PPP4R3B: variants seen among roughly 807,000 people sequenced by gnomAD.
PPP4R3B encodes protein phosphatase 4 regulatory subunit 3B, also known as serine/threonine-protein phosphatase 4 regulatory subunit 3B.
Under a neutral mutation model 95.4 loss-of-function variants are expected in PPP4R3B, and 52 were observed. The ratio of observed to expected loss-of-function variants is 0.54; its 90% CI spans 0.44 to 0.69. The LOEUF is 0.69. PPP4R3B is among the 30% of genes least tolerant of loss of function. The probability of loss-of-function intolerance (pLI) is 0.00; values close to 1 mark genes in which losing one functional copy is unlikely to be tolerated. For synonymous variants in PPP4R3B, 407 were observed against 343.9 expected (o/e 1.18, Z -2.03); for missense variants, 1,003 against 1,005.9 (o/e 1.00, Z 0.04).
intron 3 of PPP4R3B, among the ~76,000 whole-genome samples, chr2:55,602,868 T>C (rs914237685): frequency 1.3e-5 from 2 of 152,144 alleles, no homozygotes; most frequent in Admixed American, 1.3e-4. Flanking sequence ...CAGTGAATTA[T>C]GGAAATTGAG....
intron 12 of PPP4R3B, among the ~76,000 whole-genome samples, chr2:55,572,827 T>C (rs1688179326): frequency 6.6e-6 from 1 of 152,158 alleles, no homozygotes; most frequent in Non-Finnish European, 1.5e-5. Flanking sequence ...CACTGGAGAA[T>C]GGCAGAAGAA....
chr2:55,575,119 T>C (rs188281049), intron 11 of PPP4R3B, among the ~76,000 whole-genome samples: 31 of 150,418 alleles, frequency 2.1e-4, no homozygotes, highest in South Asian at 1.3e-3. Flanking sequence ...TTTTTGTGTT[T>C]TCAGTAGAGA....
chr2:55,581,677 C>A lies in PPP4R3B; in HGVS notation c.1255G>T (p.Val419Leu). The A allele has an allele frequency of 6.2e-7, 1 of 1,612,596 alleles. No individual in the cohort carries two copies. Among genetic ancestry groups the A allele is most frequent in the Non-Finnish European group, 8.5e-7 (1 of 1,179,450 alleles). The change falls in exon 8 of 17, where the codon GTA (valine) becomes TTA (leucine). Residue 419 changes from valine (V) to leucine (L), a missense_variant. By Grantham distance (32) the Val-to-Leu change is conservative. Around this residue, in one of 3 missense-constraint regions of PPP4R3B, gnomAD observed 695 missense variants for 686.2 expected, o/e 1.01. Coordinates refer to ENST00000616407, the MANE Select transcript of PPP4R3B (RefSeq NM_001122964.3). The part of the protein sequence containing the change: ...SDDDILLINV[V>L]IEQMICDTDP... ...GTATCACAGATCATTTGTTCAATTA[C>A]CACATTAATAAGAAGAATATCCTGG...
chr2:55,587,495 A>T (rs1690306074), intron 5 of PPP4R3B, among the ~76,000 whole-genome samples: 1 of 152,254 alleles, frequency 6.6e-6, no homozygotes, highest in Admixed American at 6.5e-5. Context: ...GAGGCACGAG[A>T]AGCGCTTGAA....
intron 2 of PPP4R3B, among the ~76,000 whole-genome samples, chr2:55,606,750 G>A (rs1693459928): frequency 6.6e-6 from 1 of 150,874 alleles, no homozygotes; most frequent in African/African-American, 2.4e-5. Context: ...TTGAACCCGG[G>A]AGGTGGAGAT....
At chr2:55,589,344 A>AAGC (rs1420871303) in intron 4 of PPP4R3B, among the ~76,000 whole-genome samples, 4 of 41,942 alleles carry the variant, frequency 9.5e-5, no homozygotes, top group South Asian at 4.2e-4. Flanking sequence ...CAGATTAGAA[A>AAGC]AACAAGAATT....
intron 11 of PPP4R3B, among the ~76,000 whole-genome samples, chr2:55,576,819 C>A (rs1243549039): frequency 1.3e-5 from 2 of 152,160 alleles, no homozygotes; most frequent in Non-Finnish European, 2.9e-5. Flanking sequence ...TCTAAACAGC[C>A]TCCTTATTTG....
At chr2:55,553,132 T>G (rs976928274) in intron 16 of PPP4R3B, among the ~76,000 whole-genome samples, 1 of 152,162 alleles carries the variant, frequency 6.6e-6, no homozygotes, top group Non-Finnish European at 1.5e-5. Flanking sequence ...GAGAATGTAA[T>G]GAACTTTACA....
intron 11 of PPP4R3B, among the ~76,000 whole-genome samples, chr2:55,575,324 C>T (rs1283764857): frequency 1.3e-5 from 2 of 152,116 alleles, no homozygotes; most frequent in East Asian, 3.9e-4. Context: ...TTCCCTGAGG[C>T]TTTGGTTGAT....
chr2:55,587,234 T>A (rs1348751258), intron 5 of PPP4R3B, among the ~76,000 whole-genome samples: 1 of 152,198 alleles, frequency 6.6e-6, no homozygotes, highest in East Asian at 1.9e-4. Flanking sequence ...TTTAATGGGG[T>A]GCCAGTTTTT....
intron 4 of PPP4R3B, among the ~76,000 whole-genome samples, chr2:55,592,047 G>A (rs1170751190): frequency 6.6e-6 from 1 of 151,942 alleles, no homozygotes; most frequent in Admixed American, 6.6e-5. Flanking sequence ...AAAACACTGT[G>A]GGGAAAAAAA....
At position 55,588,971 on chromosome 2, in the gene PPP4R3B, T is replaced by C. The variant is rs1443182120; in HGVS notation, c.922-15A>G. ...TTCTCATCTTCCTGCATGAGAAAAATAATTACTATGAAATATTAACAAAAG... is the reference window on the plus strand; with the variant it reads ...TTCTCATCTTCCTGCATGAGAAAAACAATTACTATGAAATATTAACAAAAG... On this transcript the variant is annotated splice_polypyrimidine_tract_variant and intron_variant, in intron 4 of 16. Coordinates refer to ENST00000616407, the MANE Select transcript of PPP4R3B (RefSeq NM_001122964.3). The C allele has an allele frequency of 1.3e-6, 2 of 1,495,396 alleles. No individual in the cohort carries two copies. The highest frequency in any genetic ancestry group is 1.9e-6 in the Non-Finnish European group (2 of 1,078,960). 92.6% of individuals were successfully genotyped at this position (1,495,396 alleles called of 1,614,324 possible). A position where few individuals can be genotyped will look rare whatever the true frequency, so the allele number is the denominator to read the frequency against.
intron 11 of PPP4R3B, among the ~76,000 whole-genome samples, chr2:55,576,468 C>A (rs575816162): frequency 1.3e-5 from 2 of 150,982 alleles, no homozygotes; most frequent in African/African-American, 2.4e-5. Context: ...ACAGGCCGGG[C>A]GCGGTGGCTC....
intron 2 of PPP4R3B, among the ~76,000 whole-genome samples, chr2:55,606,223 A>T (rs1052941727): frequency 1.3e-5 from 2 of 152,162 alleles, no homozygotes; most frequent in South Asian, 2.1e-4. Flanking sequence ...ATATTAATAC[A>T]TTATAAAACA....
intron 12 of PPP4R3B, 152 bp from the exon 13 acceptor site, chr2:55,568,515 A>G: frequency 1.8e-6 from 1 of 565,556 alleles, no homozygotes; most frequent in Non-Finnish European, 2.7e-6. Flanking sequence ...CTAAAATGAA[A>G]AGTAAAACTG....
chr2:55,556,786 C>A (rs368990905), intron 16 of PPP4R3B, among the ~76,000 whole-genome samples: 41 of 152,224 alleles, frequency 2.7e-4, no homozygotes, highest in African/African-American at 9.4e-4. Context: ...AGAAAGTCGG[C>A]CGGGCATGGT....
At chr2:55,605,542 G>T (rs912842832) in intron 2 of PPP4R3B, among the ~76,000 whole-genome samples, 28 of 151,992 alleles carry the variant, frequency 1.8e-4, no homozygotes, top group African/African-American at 6.8e-4. Flanking sequence ...CTTCTTCCTG[G>T]CTATGCTTTT....
At chr2:55,554,070 A>G (rs908891038) in intron 16 of PPP4R3B, among the ~76,000 whole-genome samples, 5 of 152,094 alleles carry the variant, frequency 3.3e-5, no homozygotes, top group Non-Finnish European at 2.9e-5. Flanking sequence ...ACACCATTTT[A>G]TTTTTATATA....
chr2:55,559,610 T>A (rs1050443079), intron 15 of PPP4R3B, among the ~76,000 whole-genome samples: 2 of 152,142 alleles, frequency 1.3e-5, no homozygotes, highest in Non-Finnish European at 2.9e-5. Flanking sequence ...AGGGTGGCAC[T>A]TCCCCCCTTG....
Sources: gnomAD v4.1 joint callset for allele counts (sites outside exome capture counted in the v4.1 genomes callset) on GRCh38, gnomAD v4.1.1 for gene constraint, gnomAD v4.1.1 regional missense constraint, MANE v1.5 for transcripts, NCBI Gene and HGNC (gene_info 2026-07-23, HGNC 2026-07-21) for gene names.